OGG1: variants seen among roughly 807,000 people sequenced by gnomAD.
OGG1 encodes the protein N-glycosylase/DNA lyase.
Under a neutral mutation model 42.3 loss-of-function variants are expected in OGG1, and 35 were observed. The ratio of observed to expected loss-of-function variants is 0.83; its 90% CI spans 0.63 to 1.10. OGG1 has a LOEUF of 1.10. Ranked by LOEUF, OGG1 falls within the 50% of genes least tolerant of loss-of-function variation. The pLI is 0.00. For missense variants in OGG1, 484 were observed against 446.7 expected, an observed-to-expected ratio of 1.08 and a Z score of -0.75; for synonymous variants, 189 against 179.0, an observed-to-expected ratio of 1.06 and a Z score of -0.44.
downstream of OGG1, among the ~76,000 whole-genome samples, chr3:9,788,579 A>G (rs1258982989): frequency 1.3e-5 from 2 of 148,854 alleles, no homozygotes; most frequent in Non-Finnish European, 3.0e-5. Flanking sequence ...TCCTTCTGTC[A>G]CCCAGGCTGG....
chr3:9,784,325 A>G, intron 3 of OGG1: 1 of 1,381,816 alleles, frequency 7.2e-7, no homozygotes, highest in Non-Finnish European at 9.7e-7. Flanking sequence ...CCCTTTGGGC[A>G]CCCCCTCTGT....
intron 4 of OGG1, among the ~76,000 whole-genome samples, chr3:9,755,386 T>C (rs1162917170): frequency 6.6e-6 from 1 of 151,844 alleles, no homozygotes; most frequent in Non-Finnish European, 1.5e-5. Context: ...TTTCGTAAAA[T>C]GACATGTACT....
chr3:9,756,322 T>A, intron 4 of OGG1, 149 bp from the exon 5 acceptor site: 147 of 751,566 alleles, frequency 2.0e-4, no homozygotes, highest in South Asian at 7.9e-4. Context: ...AAAAAAAAAG[T>A]GTATTCATAG....
chr3:9,757,838 G>T, downstream of OGG1: 5 of 1,605,692 alleles, frequency 3.1e-6, no homozygotes, highest in Non-Finnish European at 3.4e-6. The surrounding 1 kb of genome is among the most constrained non-coding windows in gnomAD (Gnocchi z 4.5). Flanking sequence ...CCGTGGCATT[G>T]AAGGCTTGCT....
intron 7 of OGG1, chr3:9,763,343 T>C (rs530389184): frequency 7.2e-5 from 76 of 1,050,520 alleles, no homozygotes; most frequent in Admixed American, 2.5e-4. Context: ...CAGTCTGTTA[T>C]GATTGCACCT....
chr3:9,790,243 G>A (rs568327103), downstream of OGG1, among the ~76,000 whole-genome samples: 29 of 152,168 alleles, frequency 1.9e-4, no homozygotes, highest in Non-Finnish European at 3.4e-4. Flanking sequence ...CTGTTTAACA[G>A]AAGAGTCCTC....
At position 9,787,159 on chromosome 3, in the gene OGG1, A is replaced by G. The variant is rs770512918; in HGVS notation, c.383-569A>G. ...GAGGTGGGCTGAAGTTCTGGAATTC[A>G]AGTCCTGACCTGGGGTTGGCAGGGA... On this transcript the variant is annotated intron_variant, in intron 3 of 3. Transcript: ENST00000426518. 7 of 1,614,188 alleles carry G rather than the reference A, an allele frequency of 4.3e-6. No individual in the cohort carries two copies. In the Admixed American group the frequency reaches 1.2e-4, roughly 27 times the overall value.
intron 7 of OGG1, among the ~76,000 whole-genome samples, chr3:9,763,993 A>AATAT (rs146785722): frequency 6.6e-6 from 1 of 151,884 alleles, no homozygotes; most frequent in African/African-American, 2.4e-5. Context: ...TCTCAAAAAA[A>AATAT]ATATATATAT....
intron 7 of OGG1, chr3:9,762,781 T>C (rs1264262073): frequency 7.2e-6 from 6 of 836,930 alleles, no homozygotes; most frequent in South Asian, 1.7e-5. Flanking sequence ...GTTTAAAGGT[T>C]ACAAGATCCA....
downstream of OGG1, among the ~76,000 whole-genome samples, chr3:9,768,033 G>A (rs2125598360): frequency 6.6e-6 from 1 of 152,222 alleles, no homozygotes; most frequent in Admixed American, 6.5e-5. Context: ...ATTTATTCTA[G>A]TTCTCTTCCC....
chr3:9,777,086 A>T (rs2078374345), intron 2 of OGG1, among the ~76,000 whole-genome samples: 1 of 152,168 alleles, frequency 6.6e-6, no homozygotes, highest in Admixed American at 6.5e-5. Context: ...ACTCAGGAGC[A>T]GACAGGGGCT....
chr3:9,757,532 C>G (rs772639259), downstream of OGG1: 18 of 1,611,482 alleles, frequency 1.1e-5, no homozygotes, highest in Non-Finnish European at 1.5e-5. The surrounding 1 kb of genome is among the most constrained non-coding windows in gnomAD (Gnocchi z 4.5). Flanking sequence ...ACCCGAGGTC[C>G]AGGGCCCTAG....
At chr3:9,767,286 C>A (rs2078180121), downstream of OGG1, among the ~76,000 whole-genome samples, 1 of 152,156 alleles carries the variant, frequency 6.6e-6, no homozygotes, top group South Asian at 2.1e-4. Context: ...GTCTCTTGCA[C>A]ATGTCTGGGA....
chr3:9,778,844 T>C (rs2078399253), intron 2 of OGG1, among the ~76,000 whole-genome samples: 1 of 152,196 alleles, frequency 6.6e-6, no homozygotes, highest in South Asian at 2.1e-4. Flanking sequence ...CCATGTGTGA[T>C]GGGGAAGGAA....
downstream of OGG1, chr3:9,759,452 G>A (rs1268095356): frequency 2.5e-6 from 4 of 1,613,908 alleles, no homozygotes; most frequent in Non-Finnish European, 2.5e-6. Context: ...AGGAGTCCTG[G>A]GGAGGCTGGG....
chr3:9,772,093 C>G (rs2125605369), intron 2 of OGG1, among the ~76,000 whole-genome samples: 1 of 152,312 alleles, frequency 6.6e-6, no homozygotes, highest in Non-Finnish European at 1.5e-5. Context: ...GCTGGAATTA[C>G]AGGCATGAGC....
chr3:9,763,761 G>T lies in OGG1; in HGVS notation c.1049-2048G>T, dbSNP rs578090637. On this transcript the variant is annotated intron_variant, in intron 7 of 7. Coordinates refer to the OGG1 transcript ENST00000302008. ...AGCACTTTGGGAGGCCAAGGCAGGC[G>T]GATCACTTGAGGTCAGGAGTTCGAG... is the stretch of plus-strand genomic sequence containing the variant. Among the ~76,000 whole-genome samples, 5 of 152,218 alleles carry T rather than the reference G, an allele frequency of 3.3e-5. No individual in the cohort carries two copies. In the East Asian group the frequency reaches 9.7e-4, roughly 29 times the overall value.
downstream of OGG1, chr3:9,760,540 CT>C (rs2125573064): frequency 1.2e-5 from 12 of 1,035,908 alleles, no homozygotes; most frequent in South Asian, 1.6e-4. Context: ...GAAGACAGCT[CT>C]TTGTGTGGTG....
chr3:9,771,536 C>T (rs1425000781), downstream of OGG1, among the ~76,000 whole-genome samples: 3 of 152,188 alleles, frequency 2.0e-5, no homozygotes, highest in Non-Finnish European at 4.4e-5. Flanking sequence ...AACATGAGAG[C>T]TAGACTCAGT....
Sources: gnomAD v4.1 joint callset for allele counts (sites outside exome capture counted in the v4.1 genomes callset) on GRCh38, gnomAD v4.1.1 for gene constraint, Gnocchi (gnomAD v3.1) non-coding constraint, MANE v1.5 for transcripts, NCBI Gene and HGNC (gene_info 2026-07-23, HGNC 2026-07-21) for gene names.